The following SMC1B variants were observed in gnomAD, a reference collection of about 807,000 sequenced individuals.
SMC1B encodes structural maintenance of chromosomes 1B, also known as structural maintenance of chromosomes protein 1B.
SMC1B carries 60 observed loss-of-function variants against 157.9 expected under a neutral mutation model. The observed-to-expected ratio is 0.38, with a 90% CI of 0.31 to 0.47. SMC1B has a LOEUF of 0.47. Ranked by LOEUF, SMC1B falls within the 20% of genes least tolerant of loss-of-function variation. The pLI is 0.99. For synonymous variants in SMC1B, 445 were observed against 483.0 expected (o/e 0.92, Z 1.03); for missense variants, 1,165 against 1,426.2 (o/e 0.82, Z 2.95).
chr22:45,347,234 C>T (rs1290327036), intron 23 of SMC1B, among the ~76,000 whole-genome samples: 1 of 152,206 alleles, frequency 6.6e-6, no homozygotes, highest in East Asian at 1.9e-4. Flanking sequence ...TGTTTCCTCC[C>T]CAGCTACCAT....
At chr22:45,401,394 C>A (rs1367198576) in intron 5 of SMC1B, among the ~76,000 whole-genome samples, 1 of 152,202 alleles carries the variant, frequency 6.6e-6, no homozygotes, top group Non-Finnish European at 1.5e-5. Context: ...ATGCCGGCAG[C>A]TGAGCCAATA....
chr22:45,408,995 G>T, intron 1 of SMC1B, 97 bp from the exon 2 acceptor site: 1 of 667,248 alleles, frequency 1.5e-6, no homozygotes, highest in Non-Finnish European at 2.5e-6. Context: ...GTGAAATATA[G>T]CCAAAAGACA....
intron 12 of SMC1B, among the ~76,000 whole-genome samples, chr22:45,380,960 CTTTTTTT>C (rs530026478): frequency 7.3e-6 from 1 of 136,966 alleles, no homozygotes; most frequent in Admixed American, 7.4e-5. Flanking sequence ...AAAAGAAGTA[CTTTTTTT>C]TTTTTTTTTT....
At chr22:45,377,296 C>T (rs2086892288) in intron 12 of SMC1B, among the ~76,000 whole-genome samples, 2 of 152,066 alleles carry the variant, frequency 1.3e-5, no homozygotes, top group South Asian at 4.1e-4. Context: ...TTTAGATTTG[C>T]CCCTTTTCTA....
Position 45,349,755 on chromosome 22 carries a change from T to C in SMC1B, c.3468A>G (p.Ala1156=). The change falls in exon 23 of 25, where the codon GCA becomes GCG. Residue 1156 remains alanine, a synonymous_variant. Coordinates refer to ENST00000357450, the MANE Select transcript of SMC1B (RefSeq NM_148674.5). ...APFFVLDEVD[A]ALDNTNIGKV... Reference sequence around the variant, plus strand: ...TGCCTATGTTAGTATTGTCTAGGGCTGCATCCACTTCATCTAAAACAAAGA... The same window carrying C: ...TGCCTATGTTAGTATTGTCTAGGGCCGCATCCACTTCATCTAAAACAAAGA... The C allele has an allele frequency of 6.2e-7, 1 of 1,612,856 alleles. No homozygotes were observed. The highest frequency in any genetic ancestry group is 8.5e-7 in the Non-Finnish European group (1 of 1,179,694).
At chr22:45,385,837 T>C (rs992504569) in intron 11 of SMC1B, among the ~76,000 whole-genome samples, 2 of 152,110 alleles carry the variant, frequency 1.3e-5, no homozygotes, top group African/African-American at 4.8e-5. Flanking sequence ...CTTAAGATTA[T>C]TGATCAGAAA....
At chr22:45,353,918 A>C (rs1330495575) in intron 21 of SMC1B, 60 bp downstream of exon 21, 15 of 862,472 alleles carry the variant, frequency 1.7e-5, no homozygotes, top group Middle Eastern at 2.9e-4. Context: ...AAAAAAAAAA[A>C]AACAACCACC....
Position 45,402,344 on chromosome 22 carries a change from T to C in SMC1B, c.843A>G (p.Glu281=). The C allele has an allele frequency of 6.2e-7, 1 of 1,608,624 alleles. No homozygotes were observed. The highest frequency in any genetic ancestry group is 8.5e-7 in the Non-Finnish European group (1 of 1,177,304). ...TTTTAAAAACTCACTTTAATTCTTT[T>C]TCTGTTTGTTGTAGTTGTCTAGTTA... ...GMLTRQLQQT[E]KELKSVETLL... Residue 281 remains glutamate, a synonymous_variant, in exon 5 of 25, where the codon GAA becomes GAG. Coordinates refer to ENST00000357450, the MANE Select transcript of SMC1B (RefSeq NM_148674.5).
At position 45,352,571 on chromosome 22, in the gene SMC1B, G is replaced by C; in HGVS notation, c.3305C>G (p.Pro1102Arg). 1 of 1,612,612 alleles carries C rather than the reference G, an allele frequency of 6.2e-7. No homozygotes were observed. Among genetic ancestry groups the C allele is most frequent in the Non-Finnish European group, 8.5e-7 (1 of 1,179,066 alleles). The change falls in exon 22 of 25, where the codon CCT (proline) becomes CGT (arginine). Residue 1102 changes from proline (P) to arginine (R), a missense_variant. Transcript: ENST00000357450. ...GTTATAGCTAATTCCCTCCAAGTAA[G>C]GTTCTTCAGGGTTCTCTGGGCTAAG... ...AFLSPENPEE[P>R]YLEGISYNCV...
intron 22 of SMC1B, 63 bp from the exon 23 acceptor site, chr22:45,349,860 G>T: frequency 7.8e-7 from 1 of 1,278,352 alleles, no homozygotes; most frequent in Non-Finnish European, 1.1e-6. Flanking sequence ...AGACTTGGAG[G>T]AAAAGATTAA....
chr22:45,399,936 G>A (rs1179123729), intron 5 of SMC1B, among the ~76,000 whole-genome samples: 1 of 152,250 alleles, frequency 6.6e-6, no homozygotes, highest in Non-Finnish European at 1.5e-5. Flanking sequence ...GCAGATGGTA[G>A]AAGCCAGATT....
At chr22:45,369,338 C>T (rs1232860803) in intron 15 of SMC1B, among the ~76,000 whole-genome samples, 5 of 151,776 alleles carry the variant, frequency 3.3e-5, no homozygotes, top group African/African-American at 1.2e-4. Flanking sequence ...CCTCATGATC[C>T]GCCTGCCTCG....
chr22:45,389,011 GAAAAAAGAAAAA>G (rs1569190858), intron 10 of SMC1B, among the ~76,000 whole-genome samples: 2 of 126,454 alleles, frequency 1.6e-5, no homozygotes, highest in Non-Finnish European at 3.3e-5. Context: ...AAAAGAAAAA[GAAAAAAGAAAAA>G]AAAAAGAAAA....
intron 18 of SMC1B, 87 bp downstream of exon 18, chr22:45,359,718 G>T: frequency 7.1e-7 from 1 of 1,416,734 alleles, no homozygotes; most frequent in Non-Finnish European, 9.6e-7. Flanking sequence ...CCCTAAAGGG[G>T]CTACAGAACA....
chr22:45,359,886 A>G lies in SMC1B; in HGVS notation c.2781T>C (p.His927=). Residue 927 remains histidine (H), a synonymous_variant, in exon 18 of 25, where the codon CAT becomes CAC. Transcript: ENST00000357450. Reference sequence around the variant, plus strand: ...GCACTTTGCAATCAAGCAGCAAGTTATGCTTCTCTAATCGTTTCTGTTCCA... The same window carrying G: ...GCACTTTGCAATCAAGCAGCAAGTTGTGCTTCTCTAATCGTTTCTGTTCCA... ...TSLEQKRLEK[H]NLLLDCKVQD... is the part of the protein sequence containing the mutation. The G allele has an allele frequency of 6.2e-7, 1 of 1,614,128 alleles. No homozygotes were observed. Among genetic ancestry groups the G allele is most frequent in the Non-Finnish European group, 8.5e-7 (1 of 1,179,960 alleles).
At position 45,354,949 on chromosome 22, in the gene SMC1B, T is replaced by C. The variant is rs376811920; in HGVS notation, c.3118+10A>G. 1.1e-5 allele frequency: 17 copies of C among 1,613,540 alleles called. No individual in the cohort carries two copies. The highest frequency in any genetic ancestry group is 1.4e-5 in the Non-Finnish European group (17 of 1,179,642). Reference sequence around the variant, plus strand: ...AATATAATCTTGTTAGTGACTACACTCAATTTTACCATCTGTGGACTCTTG... The same window carrying C: ...AATATAATCTTGTTAGTGACTACACCCAATTTTACCATCTGTGGACTCTTG... On this transcript the variant is annotated intron_variant, in intron 20 of 24. Coordinates refer to ENST00000357450, the MANE Select transcript of SMC1B (RefSeq NM_148674.5).
chr22:45,359,109 T>G (rs1256613266), intron 18 of SMC1B, among the ~76,000 whole-genome samples: 1 of 152,120 alleles, frequency 6.6e-6, no homozygotes, highest in Non-Finnish European at 1.5e-5. Context: ...ATCTGTGAAG[T>G]AGAATAAAAC....
chr22:45,394,631 T>A, intron 8 of SMC1B, 54 bp downstream of exon 8: 1 of 1,452,194 alleles, frequency 6.9e-7, no homozygotes. Context: ...AGTGAGACCC[T>A]CTCTCAAAAA....
At chr22:45,386,058 T>C (rs1036160174) in intron 11 of SMC1B, among the ~76,000 whole-genome samples, 5 of 152,072 alleles carry the variant, frequency 3.3e-5, no homozygotes, top group African/African-American at 1.2e-4. Context: ...TTTCATGTTA[T>C]TACTTAATTT....
Sources: gnomAD v4.1 joint callset for allele counts (sites outside exome capture counted in the v4.1 genomes callset) on GRCh38, gnomAD v4.1.1 for gene constraint, MANE v1.5 for transcripts, NCBI Gene and HGNC (gene_info 2026-07-23, HGNC 2026-07-21) for gene names.